The following FBXL20 variants were observed in gnomAD, a reference collection of about 807,000 sequenced individuals.
The protein encoded by FBXL20 is F-box/LRR-repeat protein 20.
Under a neutral mutation model 64.0 loss-of-function variants are expected in FBXL20, and 11 were observed. The observed-to-expected ratio is 0.17, with a 90% CI of 0.11 to 0.28. The LOEUF (loss-of-function observed/expected upper bound fraction) is 0.28, where lower values mean the gene tolerates loss of function less well. FBXL20 is among the 10% of genes least tolerant of loss of function. The pLI is 1.00. For synonymous variants in FBXL20, 184 were observed against 189.0 expected (o/e 0.97, Z 0.22); for missense variants, 303 against 526.2 (o/e 0.58, Z 4.15).
intron 5 of FBXL20, among the ~76,000 whole-genome samples, chr17:39,297,936 C>T (rs2047101257): frequency 6.6e-6 from 1 of 152,094 alleles, no homozygotes; most frequent in African/African-American, 2.4e-5. Context: ...AGGGTTTCAC[C>T]ATGTTGGTCA....
At chr17:39,360,047 A>G (rs866286752) in intron 1 of FBXL20, among the ~76,000 whole-genome samples, 9 of 152,256 alleles carry the variant, frequency 5.9e-5, no homozygotes, top group Middle Eastern at 6.8e-3. Flanking sequence ...TATAAAATTT[A>G]CATAAAAACA....
Position 39,257,538 on chromosome 17 carries a change from C to T in FBXL20, c.*3922G>A, listed in dbSNP as rs2046706349. 1 of 152,234 alleles carries T rather than the reference C, an allele frequency of 6.6e-6. No individual in the cohort carries two copies. The highest frequency in any genetic ancestry group is 1.5e-5 in the Non-Finnish European group (1 of 68,036). 9.4% of individuals were successfully genotyped at this position (152,234 alleles called of 1,614,324 possible). A position where few individuals can be genotyped will look rare whatever the true frequency, so the allele number is the denominator to read the frequency against. ...GAATAGGAGAAGAAAACATTTTTTA[C>T]ACAAAGCACAATATGCTTTCATATT... On this transcript the variant is annotated 3_prime_UTR_variant, in exon 15 of 15. Coordinates refer to ENST00000264658, the MANE Select transcript of FBXL20 (RefSeq NM_032875.3).
chr17:39,275,647 T>C (rs900306469), intron 9 of FBXL20, among the ~76,000 whole-genome samples: 24 of 151,838 alleles, frequency 1.6e-4, no homozygotes, highest in Non-Finnish European at 2.8e-4. Flanking sequence ...TGGCCTCAAG[T>C]GATCTGCCCA....
intron 1 of FBXL20, among the ~76,000 whole-genome samples, chr17:39,354,123 A>G (rs1468802219): frequency 1.3e-5 from 2 of 152,176 alleles, no homozygotes; most frequent in Non-Finnish European, 2.9e-5. Context: ...CATCTGTGAA[A>G]TCAGGATTCA....
intron 1 of FBXL20, among the ~76,000 whole-genome samples, chr17:39,376,789 A>G (rs1023150115): frequency 3.3e-5 from 5 of 152,134 alleles, no homozygotes; most frequent in African/African-American, 1.2e-4. Flanking sequence ...TCAAGGCAGG[A>G]GGATTGCTTG....
intron 6 of FBXL20, among the ~76,000 whole-genome samples, chr17:39,289,028 T>C (rs1214533986): frequency 2.0e-5 from 3 of 152,180 alleles, no homozygotes; most frequent in Non-Finnish European, 4.4e-5. Context: ...TTAATTTTAA[T>C]GAGGTACAAT....
intron 1 of FBXL20, among the ~76,000 whole-genome samples, chr17:39,381,966 C>A (rs2048028012): frequency 7.1e-6 from 1 of 140,412 alleles, no homozygotes; most frequent in Non-Finnish European, 1.7e-5. Context: ...TGGTGGCACA[C>A]ACCTGTAGTC....
At chr17:39,264,057 T>G (rs762701321) in intron 14 of FBXL20, 118 bp downstream of exon 14, 19 of 1,118,232 alleles carry the variant, frequency 1.7e-5, no homozygotes, top group Non-Finnish European at 2.2e-5. Flanking sequence ...CTCTTTCCCT[T>G]GTTAAATGTT....
chr17:39,317,688 T>TG (rs1333189530), intron 2 of FBXL20, among the ~76,000 whole-genome samples: 1 of 67,106 alleles, frequency 1.5e-5, no homozygotes, highest in Non-Finnish European at 2.8e-5. Context: ...TTTTTTTTTT[T>TG]GTTTTTTTTT....
chr17:39,380,905 A>G (rs966203377), intron 1 of FBXL20, among the ~76,000 whole-genome samples: 1 of 151,966 alleles, frequency 6.6e-6, no homozygotes, highest in African/African-American at 2.4e-5. Flanking sequence ...CACACCTGTA[A>G]TCCCAGTACT....
At chr17:39,281,096 C>A (rs1274139984) in intron 9 of FBXL20, among the ~76,000 whole-genome samples, 3 of 152,140 alleles carry the variant, frequency 2.0e-5, no homozygotes, top group Admixed American at 6.5e-5. Context: ...ACTTGTGAAT[C>A]ATTTACATTT....
chr17:39,296,650 C>T (rs983459430), intron 6 of FBXL20, among the ~76,000 whole-genome samples: 4 of 151,180 alleles, frequency 2.6e-5, no homozygotes, highest in African/African-American at 9.7e-5. Context: ...CTGTAAGCCT[C>T]TTGAGGATGA....
At chr17:39,366,043 TG>T (rs1423828133) in intron 1 of FBXL20, among the ~76,000 whole-genome samples, 1 of 152,096 alleles carries the variant, frequency 6.6e-6, no homozygotes, top group East Asian at 1.9e-4. Context: ...TGAAGTAGAC[TG>T]GCTATTCACA....
intron 2 of FBXL20, among the ~76,000 whole-genome samples, chr17:39,310,828 T>C (rs2047228360): frequency 6.6e-6 from 1 of 151,746 alleles, no homozygotes; most frequent in South Asian, 2.1e-4. Flanking sequence ...TCTACTAAAA[T>C]ACAAAAATTA....
At chr17:39,317,677 GT>G (rs930367907) in intron 2 of FBXL20, among the ~76,000 whole-genome samples, 6 of 115,132 alleles carry the variant, frequency 5.2e-5, no homozygotes, top group Non-Finnish European at 1.0e-4. Context: ...GTTTGACTTT[GT>G]TTTTTTTTTT....
At chr17:39,307,466 A>C (rs1311289728) in intron 2 of FBXL20, among the ~76,000 whole-genome samples, 1 of 152,190 alleles carries the variant, frequency 6.6e-6, no homozygotes, top group East Asian at 1.9e-4. Flanking sequence ...CGAATGTTTG[A>C]AGATCAGAAT....
rs2046676552 is a variant in FBXL20 at position 39,254,380 on chromosome 17, A to G, written c.*7080T>C. On this transcript the variant is annotated 3_prime_UTR_variant, in exon 15 of 15. Coordinates refer to ENST00000264658, the MANE Select transcript of FBXL20 (RefSeq NM_032875.3). The stretch of plus-strand genomic sequence containing the variant: ...TTCTTCTTCCAATTTAACAAAAAAG[A>G]CGTCACTTCAAAGATGATCCTTGGT... 6.6e-6 allele frequency: 1 copy of G among 152,356 alleles called. No individual in the cohort carries two copies. The highest frequency in any genetic ancestry group is 2.1e-4 in the South Asian group (1 of 4,832). The allele number at this position is 152,356 out of a possible 1,614,324, so 9.4% of individuals were successfully genotyped here.
intron 1 of FBXL20, among the ~76,000 whole-genome samples, chr17:39,389,071 T>C (rs2048111118): frequency 1.7e-5 from 2 of 118,370 alleles, no homozygotes; most frequent in Non-Finnish European, 3.2e-5. Flanking sequence ...GCCATTGCAC[T>C]CCAGCCTGGG....
chr17:39,352,495 C>G (rs1294608547), intron 1 of FBXL20, among the ~76,000 whole-genome samples: 1 of 151,966 alleles, frequency 6.6e-6, no homozygotes, highest in Non-Finnish European at 1.5e-5. Flanking sequence ...GACTGGCCAA[C>G]ATGGTGAAAC....
Sources: allele counts gnomAD v4.1 joint callset (sites outside exome capture counted in the v4.1 genomes callset), GRCh38; gene constraint gnomAD v4.1.1; transcripts MANE v1.5; gene names NCBI Gene and HGNC (gene_info 2026-07-23, HGNC 2026-07-21).